The following NAALADL2 variants were observed in gnomAD, a reference collection of about 807,000 sequenced individuals.
The protein encoded by NAALADL2 is N-acetylated alpha-linked acidic dipeptidase like 2, also known as inactive N-acetylated-alpha-linked acidic dipeptidase-like protein 2.
In NAALADL2, 76 loss-of-function variants were observed where a neutral mutation model predicts 87.2. The ratio of observed to expected loss-of-function variants is 0.87; its 90% CI spans 0.72 to 1.05. NAALADL2 has a LOEUF of 1.05. Ranked by LOEUF, NAALADL2 falls within the 50% of genes least tolerant of loss-of-function variation. NAALADL2 has a pLI of 0.00. For missense variants in NAALADL2, 1,089 were observed against 945.8 expected (o/e 1.15, Z -1.99); for synonymous variants, 354 against 331.0 (o/e 1.07, Z -0.75).
At chr3:174,525,878 T>A (rs896136446) in intron 1 of NAALADL2, among the ~76,000 whole-genome samples, 2 of 152,178 alleles carry the variant, frequency 1.3e-5, no homozygotes, top group East Asian at 1.9e-4. Context: ...TGGTCCCCCA[T>A]GAGCATTTCT....
At chr3:174,966,694 C>G (rs1470579431) in intron 1 of NAALADL2, among the ~76,000 whole-genome samples, 1 of 151,948 alleles carries the variant, frequency 6.6e-6, no homozygotes, top group East Asian at 1.9e-4. Context: ...TTTGACATAC[C>G]CAAGTAACAT....
chr3:174,611,501 T>C (rs1027309051), intron 2 of NAALADL2, among the ~76,000 whole-genome samples: 2 of 152,166 alleles, frequency 1.3e-5, no homozygotes, highest in African/African-American at 4.8e-5. Flanking sequence ...AGGAATAGTG[T>C]ACATACCACG....
chr3:174,870,668 A>G (rs1266474136), intron 1 of NAALADL2, among the ~76,000 whole-genome samples: 1 of 152,160 alleles, frequency 6.6e-6, no homozygotes. Flanking sequence ...GGAAAATCTG[A>G]ATCAATTGTT....
rs1397730395 is a variant in NAALADL2 at position 175,067,601 on chromosome 3, G to T, written c.44-29189G>T. ...AAAAAGACAAAAAATAACAGATGCT[G>T]CAGGGCTGCAGAGAAAAAGGAATGC... On this transcript the variant is annotated intron_variant, in intron 1 of 13. Transcript: ENST00000454872. 2.6e-5 allele frequency among the ~76,000 whole-genome samples: 4 copies of T among 152,118 alleles called. No homozygotes were observed. In the East Asian group the frequency reaches 7.7e-4, roughly 29 times the overall value.
intron 2 of NAALADL2, among the ~76,000 whole-genome samples, chr3:174,628,173 G>T (rs892517859): frequency 4.6e-5 from 7 of 152,232 alleles, no homozygotes; most frequent in Admixed American, 3.3e-4. Context: ...AGTGGAAAAT[G>T]ATTTTAAAGA....
At chr3:174,617,736 G>A (rs999723662) in intron 2 of NAALADL2, among the ~76,000 whole-genome samples, 8 of 151,750 alleles carry the variant, frequency 5.3e-5, no homozygotes, top group African/African-American at 1.9e-4. Context: ...AAATGGTGCT[G>A]ATTTAGCAGG....
chr3:175,247,226 G>A (rs1748151736), intron 3 of NAALADL2, among the ~76,000 whole-genome samples: 1 of 151,504 alleles, frequency 6.6e-6, no homozygotes, highest in African/African-American at 2.4e-5. Flanking sequence ...CATTGTATAA[G>A]GAAGAGACAA....
intron 2 of NAALADL2, among the ~76,000 whole-genome samples, chr3:175,117,378 A>G (rs1725414396): frequency 6.6e-6 from 1 of 152,180 alleles, no homozygotes; most frequent in Admixed American, 6.5e-5. Flanking sequence ...CAAAGGACTA[A>G]TATCCAGAAT....
At chr3:175,133,098 A>T (rs1394786328) in intron 2 of NAALADL2, among the ~76,000 whole-genome samples, 2 of 149,390 alleles carry the variant, frequency 1.3e-5, no homozygotes, top group Non-Finnish European at 1.5e-5. Flanking sequence ...GGCGGGGCAG[A>T]GGCGCTCCCC....
intron 2 of NAALADL2, among the ~76,000 whole-genome samples, chr3:174,583,838 T>C (rs974184788): frequency 1.3e-5 from 2 of 152,160 alleles, no homozygotes; most frequent in African/African-American, 2.4e-5. Context: ...AAAAGCGGAA[T>C]AATTTTCCAT....
chr3:175,457,685 A>T (rs969852799), intron 6 of NAALADL2, among the ~76,000 whole-genome samples: 3 of 131,452 alleles, frequency 2.3e-5, no homozygotes, highest in Non-Finnish European at 3.2e-5. Context: ...TGTCTGGCTA[A>T]TTTTTTTTTT....
At chr3:174,993,866 T>A (rs1202978350) in intron 1 of NAALADL2, among the ~76,000 whole-genome samples, 1 of 152,132 alleles carries the variant, frequency 6.6e-6, no homozygotes, top group African/African-American at 2.4e-5. Flanking sequence ...TTCCATGCCT[T>A]TCTCTTAACT....
chr3:175,545,175 A>G (rs1560734321), intron 9 of NAALADL2, among the ~76,000 whole-genome samples: 1 of 152,188 alleles, frequency 6.6e-6, no homozygotes, highest in Non-Finnish European at 1.5e-5. Context: ...CATGACTTAT[A>G]TGATCTCACT....
intron 9 of NAALADL2, among the ~76,000 whole-genome samples, chr3:175,523,674 T>A (rs1325004386): frequency 6.6e-6 from 1 of 152,222 alleles, no homozygotes; most frequent in Non-Finnish European, 1.5e-5. Flanking sequence ...GTGTGGCCCC[T>A]GCTGCTGTGT....
At chr3:174,890,807 CTAAA>C (rs1184744908) in intron 1 of NAALADL2, among the ~76,000 whole-genome samples, 3 of 151,288 alleles carry the variant, frequency 2.0e-5, no homozygotes, top group Non-Finnish European at 2.9e-5. Context: ...ACAATAATTA[CTAAA>C]TAAATATAAG....
At chr3:175,093,044 A>G (rs888221547) in intron 1 of NAALADL2, among the ~76,000 whole-genome samples, 8 of 151,850 alleles carry the variant, frequency 5.3e-5, no homozygotes, top group African/African-American at 1.9e-4. Context: ...ATTCATGCAG[A>G]TTATAAAATC....
intron 13 of NAALADL2, among the ~76,000 whole-genome samples, chr3:175,761,685 A>G (rs1181673811): frequency 6.6e-6 from 1 of 152,134 alleles, no homozygotes; most frequent in African/African-American, 2.4e-5. Context: ...TTTGGATTTT[A>G]GCTATTCTAA....
chr3:175,032,783 T>G (rs1752951332), intron 1 of NAALADL2, among the ~76,000 whole-genome samples: 2 of 152,094 alleles, frequency 1.3e-5, no homozygotes, highest in African/African-American at 4.8e-5. Context: ...ACCAGGAATT[T>G]TATTACCAAT....
chr3:175,563,973 C>T (rs536494707), intron 9 of NAALADL2, among the ~76,000 whole-genome samples: 1 of 152,202 alleles, frequency 6.6e-6, no homozygotes, highest in South Asian at 2.1e-4. Flanking sequence ...TAAGGTTATG[C>T]GATGATGCTG....
Sources: gnomAD v4.1 joint callset for allele counts (sites outside exome capture counted in the v4.1 genomes callset) on GRCh38, gnomAD v4.1.1 for gene constraint, MANE v1.5 for transcripts, NCBI Gene and HGNC (gene_info 2026-07-23, HGNC 2026-07-21) for gene names.